HMGCLL1: variants seen among roughly 807,000 people sequenced by gnomAD.
The protein encoded by HMGCLL1 is 3-hydroxy-3-methylglutaryl-CoA lyase like 1, also known as 3-hydroxymethyl-3-methylglutaryl-CoA lyase, cytoplasmic.
In HMGCLL1, 36 loss-of-function variants were observed where a neutral mutation model predicts 39.1. That is an observed-to-expected ratio of 0.92 (90% CI 0.71 to 1.22). The LOEUF (loss-of-function observed/expected upper bound fraction) is 1.22, where lower values mean the gene tolerates loss of function less well. HMGCLL1 is among the 50% of genes most tolerant of loss of function. The pLI, the probability that HMGCLL1 is intolerant of heterozygous loss-of-function variation, is 0.00. For synonymous variants in HMGCLL1, 149 were observed against 144.0 expected (o/e 1.03, Z -0.25); for missense variants, 451 against 416.5 (o/e 1.08, Z -0.72).
chr6:55,563,330 T>C (rs1376777885), intron 1 of HMGCLL1, among the ~76,000 whole-genome samples: 2 of 152,116 alleles, frequency 1.3e-5, no homozygotes, highest in African/African-American at 2.4e-5. Context: ...ATACACCCTA[T>C]AGACCAAATA....
chr6:55,620,776 T>TTTTTG, the HMGCLL1 span, among the ~76,000 whole-genome samples: 1 of 152,104 alleles, frequency 6.6e-6, no homozygotes, highest in Non-Finnish European at 1.5e-5. Flanking sequence ...TTTGATTTGA[T>TTTTTG]TTTTGTTTTG....
At chr6:55,503,554 G>A (rs1767003521) in intron 5 of HMGCLL1, among the ~76,000 whole-genome samples, 1 of 151,402 alleles carries the variant, frequency 6.6e-6, no homozygotes, top group Non-Finnish European at 1.5e-5. Flanking sequence ...ATGAAAAAGG[G>A]GGGTCTATGG....
At chr6:55,461,493 T>G (rs1008608148) in intron 7 of HMGCLL1, among the ~76,000 whole-genome samples, 1 of 152,024 alleles carries the variant, frequency 6.6e-6, no homozygotes, top group Non-Finnish European at 1.5e-5. Context: ...GCTGCTAAAT[T>G]TGAAATACAG....
At chr6:55,519,371 C>A (rs1767916086) in intron 3 of HMGCLL1, among the ~76,000 whole-genome samples, 1 of 152,106 alleles carries the variant, frequency 6.6e-6, no homozygotes, top group Admixed American at 6.6e-5. Flanking sequence ...GCTAATAACA[C>A]AGAGGAGCAC....
intron 6 of HMGCLL1, 57 bp from the exon 7 acceptor site, chr6:55,495,664 C>A (rs1766540120): frequency 1.5e-6 from 2 of 1,317,374 alleles, no homozygotes; most frequent in South Asian, 1.6e-5. Flanking sequence ...CTCAAACCCT[C>A]TTGTGCCACA....
chr6:55,584,527 C>G, the HMGCLL1 span, among the ~76,000 whole-genome samples: 5 of 152,046 alleles, frequency 3.3e-5, no homozygotes, highest in East Asian at 9.6e-4. Flanking sequence ...TGTCTATATT[C>G]TAGACAAAGG....
At chr6:55,497,776 T>C (rs183600778) in intron 6 of HMGCLL1, among the ~76,000 whole-genome samples, 131 of 152,238 alleles carry the variant, frequency 8.6e-4, no homozygotes, top group African/African-American at 3.0e-3. Context: ...CTGAGAAGAA[T>C]GTTCTAGGAA....
chr6:55,538,224 G>A (rs1450142578), intron 3 of HMGCLL1, among the ~76,000 whole-genome samples: 1 of 151,854 alleles, frequency 6.6e-6, no homozygotes, highest in Non-Finnish European at 1.5e-5. Context: ...AACCACTGAG[G>A]AAACAAAAAA....
chr6:55,527,392 T>C (rs1373165521), intron 3 of HMGCLL1, among the ~76,000 whole-genome samples: 2 of 152,008 alleles, frequency 1.3e-5, no homozygotes, highest in Admixed American at 6.6e-5. Flanking sequence ...CAGGAGATGT[T>C]AGAAATCCTA....
At chr6:55,665,948 C>G in the HMGCLL1 span, among the ~76,000 whole-genome samples, 1 of 151,660 alleles carries the variant, frequency 6.6e-6, no homozygotes, top group Non-Finnish European at 1.5e-5. Flanking sequence ...AGTTATACAA[C>G]TGAAACCTAC....
chr6:55,528,341 C>T (rs1644333269), intron 3 of HMGCLL1, among the ~76,000 whole-genome samples: 2 of 152,044 alleles, frequency 1.3e-5, no homozygotes, highest in African/African-American at 4.8e-5. Context: ...TAACTCAAAA[C>T]TCAATTTGAG....
At chr6:55,582,693 C>T (rs1772005105), upstream of HMGCLL1, among the ~76,000 whole-genome samples, 1 of 152,012 alleles carries the variant, frequency 6.6e-6, no homozygotes, top group Non-Finnish European at 1.5e-5. Flanking sequence ...TCAGAAGATA[C>T]ATAAAGATAT....
the HMGCLL1 span, among the ~76,000 whole-genome samples, chr6:55,642,547 A>T: frequency 6.6e-6 from 1 of 152,146 alleles, no homozygotes; most frequent in East Asian, 1.9e-4. Context: ...TAATAATCAC[A>T]TCATGGGAAA....
chr6:55,612,368 C>G, the HMGCLL1 span, among the ~76,000 whole-genome samples: 2 of 152,122 alleles, frequency 1.3e-5, no homozygotes, highest in South Asian at 4.1e-4. Flanking sequence ...AATGGCCATA[C>G]TGTCCAAAGT....
At chr6:55,514,942 T>C (rs1767656948) in intron 4 of HMGCLL1, among the ~76,000 whole-genome samples, 1 of 152,112 alleles carries the variant, frequency 6.6e-6, no homozygotes, top group African/African-American at 2.4e-5. Flanking sequence ...TTCTCCCCTC[T>C]TGCTAATCCC....
intron 3 of HMGCLL1, among the ~76,000 whole-genome samples, chr6:55,529,244 T>A (rs768112688): frequency 3.4e-4 from 52 of 152,138 alleles, no homozygotes; most frequent in Non-Finnish European, 1.8e-4. Context: ...CTGCCTCTCA[T>A]ATATCATGTC....
At chr6:55,535,411 T>C (rs1768956483) in intron 3 of HMGCLL1, among the ~76,000 whole-genome samples, 3 of 152,226 alleles carry the variant, frequency 2.0e-5, no homozygotes, top group Admixed American at 1.3e-4. Flanking sequence ...AACTGATTAA[T>C]AGATCTACTT....
At chr6:55,514,951 C>T (rs1013209083) in intron 4 of HMGCLL1, among the ~76,000 whole-genome samples, 1 of 151,986 alleles carries the variant, frequency 6.6e-6, no homozygotes, top group African/African-American at 2.4e-5. Flanking sequence ...CTTGCTAATC[C>T]CCCATTAACA....
At chr6:55,660,943 GT>G in the HMGCLL1 span, among the ~76,000 whole-genome samples, 2 of 151,982 alleles carry the variant, frequency 1.3e-5, no homozygotes, top group South Asian at 4.1e-4. Flanking sequence ...TCTCATTGCG[GT>G]TTTGATTTTC....
Sources: allele counts gnomAD v4.1 joint callset (sites outside exome capture counted in the v4.1 genomes callset), GRCh38; gene constraint gnomAD v4.1.1; transcripts MANE v1.5; gene names NCBI Gene and HGNC (gene_info 2026-07-23, HGNC 2026-07-21).